The following MAP2K1 variants were observed in gnomAD, a reference collection of about 807,000 sequenced individuals.
MAP2K1 encodes dual specificity mitogen-activated protein kinase kinase 1.
Under a neutral mutation model 46.3 loss-of-function variants are expected in MAP2K1, and 16 were observed. That is an observed-to-expected ratio of 0.35 (90% CI 0.23 to 0.52). The LOEUF (loss-of-function observed/expected upper bound fraction) is 0.52, where lower values mean the gene tolerates loss of function less well. Among genes scored for constraint, MAP2K1 ranks in the 20% least tolerant of loss-of-function variants. MAP2K1 has a pLI of 0.94. For missense variants in MAP2K1, 263 were observed against 497.1 expected (o/e 0.53, Z 4.48); for synonymous variants, 183 against 185.6 (o/e 0.99, Z 0.11).
In MAP2K1 at chr15:66,420,823, A is replaced by T. The variant is rs113426722; in HGVS notation, c.81-14204A>T. Among the ~76,000 whole-genome samples the T allele has an allele frequency of 3.0e-5, 2 of 65,964 alleles. 1 individual carries two copies. The highest frequency in any genetic ancestry group is 6.8e-5 in the Non-Finnish European group (2 of 29,464). 43.3% of individuals were successfully genotyped at this position (65,964 alleles called of 152,430 possible). A position where few individuals can be genotyped will look rare whatever the true frequency, so the allele number is the denominator to read the frequency against. On this transcript the variant is annotated intron_variant, in intron 1 of 10. Transcript: ENST00000307102. ...TATATGTGTATATATATGTGTATAT[A>T]TATATGTGTATATATATGTGTGTAT... is the stretch of plus-strand genomic sequence containing the variant.
intron 1 of MAP2K1, among the ~76,000 whole-genome samples, chr15:66,433,245 G>T (rs2093479318): frequency 6.6e-6 from 1 of 152,200 alleles, no homozygotes; most frequent in South Asian, 2.1e-4. Context: ...GCAAGACATA[G>T]CCGAACCTTG....
At chr15:66,395,963 C>T (rs1445280519) in intron 1 of MAP2K1, among the ~76,000 whole-genome samples, 2 of 152,146 alleles carry the variant, frequency 1.3e-5, no homozygotes, top group Non-Finnish European at 1.5e-5. Flanking sequence ...ATTTCTCCAC[C>T]GTCTGCTGTG....
At chr15:66,470,893 A>AAAAC in intron 5 of MAP2K1, among the ~76,000 whole-genome samples, 1 of 152,284 alleles carries the variant, frequency 6.6e-6, no homozygotes, top group East Asian at 1.9e-4. Context: ...GGTTGGTTTT[A>AAAAC]TACATTTTAG....
chr15:66,490,297 T>G, intron 10 of MAP2K1: 1 of 687,000 alleles, frequency 1.5e-6, no homozygotes, highest in South Asian at 1.5e-5. Context: ...AGAGGTGACT[T>G]GCCCAAGGCC....
rs369378077 is a variant in MAP2K1, at chr15:66,434,447, G to A, written c.81-580G>A. On this transcript the variant is annotated intron_variant, in intron 1 of 10. Coordinates refer to ENST00000307102, the MANE Select transcript of MAP2K1 (RefSeq NM_002755.4). The stretch of plus-strand genomic sequence containing the variant: ...TCTTGCCCTATGTTAAAGAATGGGC[G>A]AATGAATGCAGATTTATATACATTG... Among the ~76,000 whole-genome samples the A allele has an allele frequency of 2.4e-3, 370 of 152,260 alleles. 4 individuals carry two copies. The highest frequency in any genetic ancestry group is 8.7e-3 in the African/African-American group (362 of 41,558).
chr15:66,469,693 G>GACACACAC (rs56197290), intron 5 of MAP2K1, among the ~76,000 whole-genome samples: 2,147 of 84,874 alleles, frequency 0.025, 150 homozygotes, highest in African/African-American at 0.073. Flanking sequence ...TCCTTTTAAA[G>GACACACAC]ACACACACAC....
chr15:66,449,785 G>A (rs946404858), intron 5 of MAP2K1, among the ~76,000 whole-genome samples: 1 of 152,264 alleles, frequency 6.6e-6, no homozygotes, highest in African/African-American at 2.4e-5. Flanking sequence ...GGAGGCTGAG[G>A]CAGGAGAATG....
intron 5 of MAP2K1, among the ~76,000 whole-genome samples, chr15:66,464,677 C>T (rs1421186555): frequency 6.6e-6 from 1 of 151,728 alleles, no homozygotes; most frequent in Non-Finnish European, 1.5e-5. Flanking sequence ...AGGCATGCGC[C>T]ACCATGACCG....
intron 5 of MAP2K1, among the ~76,000 whole-genome samples, chr15:66,453,997 G>A (rs1892101057): frequency 6.6e-6 from 1 of 152,120 alleles, no homozygotes; most frequent in Non-Finnish European, 1.5e-5. Context: ...TATGTAACGA[G>A]GCTCCAAAAC....
intron 5 of MAP2K1, among the ~76,000 whole-genome samples, chr15:66,463,144 C>CG (rs1892371889): frequency 6.6e-6 from 1 of 152,118 alleles, no homozygotes; most frequent in African/African-American, 2.4e-5. Context: ...GGGGCTCCTT[C>CG]GGGTGAGTGA....
chr15:66,459,024 G>T (rs1892242933), intron 5 of MAP2K1, among the ~76,000 whole-genome samples: 1 of 152,134 alleles, frequency 6.6e-6, no homozygotes, highest in African/African-American at 2.4e-5. Flanking sequence ...CTATATGAAA[G>T]TGTTTTTGGG....
At chr15:66,469,678 T>G (rs185506202) in intron 5 of MAP2K1, among the ~76,000 whole-genome samples, 36 of 54,864 alleles carry the variant, frequency 6.6e-4, no homozygotes, top group African/African-American at 2.3e-3. Context: ...ACCCAAAACA[T>G]AAAATCCTTT....
chr15:66,452,304 G>GA (rs767435065), intron 5 of MAP2K1, among the ~76,000 whole-genome samples: 2,787 of 131,940 alleles, frequency 0.021, 78 homozygotes, highest in African/African-American at 0.066. Context: ...AAAAAAAAAA[G>GA]AAAAAAAAAA....
chr15:66,424,584 G>A (rs370414863), intron 1 of MAP2K1, among the ~76,000 whole-genome samples: 7 of 152,038 alleles, frequency 4.6e-5, no homozygotes, highest in South Asian at 2.1e-4. Flanking sequence ...TGCACTTAGC[G>A]GGGAGCCTGA....
At chr15:66,426,335 C>T in intron 1 of MAP2K1, among the ~76,000 whole-genome samples, 1 of 139,688 alleles carries the variant, frequency 7.2e-6, no homozygotes, top group South Asian at 2.3e-4. Context: ...ACTTCATAGC[C>T]TTCATGAAAT....
At chr15:66,473,522 CA>C (rs894674177) in intron 5 of MAP2K1, among the ~76,000 whole-genome samples, 2 of 151,394 alleles carry the variant, frequency 1.3e-5, no homozygotes, top group African/African-American at 2.4e-5. Context: ...GCACTCCAGC[CA>C]AAAAAAAGAG....
chr15:66,438,014 G>T (rs1373959791), intron 3 of MAP2K1, among the ~76,000 whole-genome samples: 3 of 130,604 alleles, frequency 2.3e-5, no homozygotes, highest in African/African-American at 5.5e-5. Context: ...TGGGTCTCTT[G>T]TGTTCTTTTT....
chr15:66,472,806 C>G (rs981578273), intron 5 of MAP2K1, among the ~76,000 whole-genome samples: 1 of 152,274 alleles, frequency 6.6e-6, no homozygotes, highest in East Asian at 1.9e-4. Flanking sequence ...TAAGCTGTGA[C>G]CCAGGCACAA....
chr15:66,405,683 C>T (rs1023306033), intron 1 of MAP2K1, among the ~76,000 whole-genome samples: 1 of 152,212 alleles, frequency 6.6e-6, no homozygotes, highest in African/African-American at 2.4e-5. Context: ...GACTCCGCTA[C>T]TCTCCCAGCT....
Sources: allele counts gnomAD v4.1 joint callset (sites outside exome capture counted in the v4.1 genomes callset), GRCh38; gene constraint gnomAD v4.1.1; transcripts MANE v1.5; gene names NCBI Gene and HGNC (gene_info 2026-07-23, HGNC 2026-07-21).